SLCO3A1: variants seen among roughly 807,000 people sequenced by gnomAD.
SLCO3A1 encodes the protein PGE1 transporter.
In SLCO3A1, 27 loss-of-function variants were observed where a neutral mutation model predicts 63.1. The observed-to-expected ratio is 0.43, with a 90% CI of 0.32 to 0.59. The LOEUF is 0.59. Ranked by LOEUF, SLCO3A1 falls within the 20% of genes least tolerant of loss-of-function variation. The pLI is 0.09. For synonymous variants in SLCO3A1, 473 were observed against 409.9 expected (o/e 1.15, Z -1.86); for missense variants, 773 against 945.8 (o/e 0.82, Z 2.40).
chr15:91,985,677 G>T (rs1294875683), intron 2 of SLCO3A1, among the ~76,000 whole-genome samples: 1 of 152,136 alleles, frequency 6.6e-6, no homozygotes, highest in Non-Finnish European at 1.5e-5. Context: ...AGACAATGGG[G>T]TCCCTCAGGC....
intron 2 of SLCO3A1, among the ~76,000 whole-genome samples, chr15:91,985,891 C>A (rs2046045741): frequency 6.6e-6 from 1 of 152,086 alleles, no homozygotes; most frequent in African/African-American, 2.4e-5. Flanking sequence ...TGTGGGCTTC[C>A]TAGTCTACGT....
intron 2 of SLCO3A1, among the ~76,000 whole-genome samples, chr15:91,943,028 G>A (rs1265802331): frequency 6.6e-6 from 1 of 152,120 alleles, no homozygotes; most frequent in Non-Finnish European, 1.5e-5. Flanking sequence ...AATTAATTCA[G>A]GTCTCCACAG....
At chr15:91,867,642 T>C (rs1039052175) in intron 1 of SLCO3A1, among the ~76,000 whole-genome samples, 4 of 152,082 alleles carry the variant, frequency 2.6e-5, no homozygotes, top group African/African-American at 9.7e-5. Context: ...GGGTGTGCAG[T>C]TTACAGTTTA....
At chr15:92,031,916 C>T (rs1442030743) in intron 2 of SLCO3A1, among the ~76,000 whole-genome samples, 4 of 152,100 alleles carry the variant, frequency 2.6e-5, no homozygotes, top group East Asian at 3.9e-4. Flanking sequence ...CATCGTGGAC[C>T]GTGCCACTCA....
At chr15:91,864,464 C>T (rs529406106) in intron 1 of SLCO3A1, among the ~76,000 whole-genome samples, 2 of 147,280 alleles carry the variant, frequency 1.4e-5, no homozygotes, top group African/African-American at 5.0e-5. Context: ...AAAATCACTT[C>T]TCTTATTCTC....
intron 4 of SLCO3A1, among the ~76,000 whole-genome samples, chr15:92,114,504 C>G (rs1260533707): frequency 6.6e-6 from 1 of 152,176 alleles, no homozygotes; most frequent in Non-Finnish European, 1.5e-5. Context: ...ACATTAGCAA[C>G]CAACTCGGTG....
chr15:92,150,845 AAAG>A, intron 8 of SLCO3A1, 102 bp from the exon 9 acceptor site: 2 of 703,906 alleles, frequency 2.8e-6, no homozygotes, highest in Non-Finnish European at 4.7e-6. Context: ...GTAATTTTCT[AAAG>A]AAGAGCTCTG....
intron 1 of SLCO3A1, among the ~76,000 whole-genome samples, chr15:91,873,555 CACACACACACATACAT>C (rs1231441155): frequency 5.5e-4 from 84 of 151,986 alleles, no homozygotes; most frequent in African/African-American, 2.0e-3. Flanking sequence ...CACACACACA[CACACACACACATACAT>C]ACATACATAC....
At chr15:91,871,343 C>G (rs893354751) in intron 1 of SLCO3A1, among the ~76,000 whole-genome samples, 6 of 152,090 alleles carry the variant, frequency 3.9e-5, no homozygotes, top group Non-Finnish European at 1.5e-5. Flanking sequence ...TTTGAAGGCC[C>G]TTTTAAGTGG....
chr15:92,028,485 T>C (rs1396145376), intron 2 of SLCO3A1, among the ~76,000 whole-genome samples: 2 of 152,144 alleles, frequency 1.3e-5, no homozygotes, highest in Admixed American at 6.5e-5. Flanking sequence ...ACAGCCAGTG[T>C]TCTAGGCCCT....
chr15:92,143,539 G>C (rs1483086916), intron 7 of SLCO3A1, among the ~76,000 whole-genome samples: 2 of 115,284 alleles, frequency 1.7e-5, no homozygotes, highest in Non-Finnish European at 3.4e-5. Context: ...TGGATGGCTG[G>C]GTAAATTAGG....
At chr15:92,120,338 C>A in intron 4 of SLCO3A1, 127 bp from the exon 5 acceptor site, 2 of 870,564 alleles carry the variant, frequency 2.3e-6, no homozygotes, top group Non-Finnish European at 3.4e-6. Context: ...CAACTGGGTA[C>A]CTCTGGATGC....
At chr15:92,082,879 T>TC (rs2047363505) in intron 2 of SLCO3A1, among the ~76,000 whole-genome samples, 1 of 152,162 alleles carries the variant, frequency 6.6e-6, no homozygotes, top group African/African-American at 2.4e-5. Flanking sequence ...AAAATCCACT[T>TC]CCACCATGTA....
At chr15:92,158,831 C>T (rs1291790436) in intron 9 of SLCO3A1, among the ~76,000 whole-genome samples, 1 of 152,136 alleles carries the variant, frequency 6.6e-6, no homozygotes, top group East Asian at 1.9e-4. Flanking sequence ...CTAGACCTCC[C>T]CTTTGGGAAA....
chr15:92,076,211 C>G (rs889230621), intron 2 of SLCO3A1, among the ~76,000 whole-genome samples: 6 of 152,188 alleles, frequency 3.9e-5, no homozygotes, highest in Non-Finnish European at 7.3e-5. Flanking sequence ...CAAACAAAAC[C>G]CATGGTGTAG....
chr15:92,065,012 G>T (rs2047132359), intron 2 of SLCO3A1, among the ~76,000 whole-genome samples: 1 of 152,182 alleles, frequency 6.6e-6, no homozygotes, highest in African/African-American at 2.4e-5. Flanking sequence ...TAGAAGAGAA[G>T]ATTTGAAATG....
intron 2 of SLCO3A1, among the ~76,000 whole-genome samples, chr15:91,963,808 T>C (rs1451760379): frequency 1.3e-5 from 2 of 152,124 alleles, no homozygotes; most frequent in African/African-American, 4.8e-5. Flanking sequence ...AGAACCAGAC[T>C]GAGCAGCAGC....
chr15:91,854,989 C>T lies in SLCO3A1; in HGVS notation c.180+901C>T, dbSNP rs1368901488. On this transcript the variant is annotated intron_variant, in intron 1 of 9. Coordinates refer to ENST00000318445, the MANE Select transcript of SLCO3A1 (RefSeq NM_013272.4). The surrounding 1 kb of genome is among the most constrained non-coding windows in gnomAD (Gnocchi z 6.4). ...TGGTCGCAACTTGAGTTCCAGAGAG[C>T]GTGCTTCCACACCTAAGTACAGTCC... is the stretch of plus-strand genomic sequence containing the variant. Among the ~76,000 whole-genome samples the T allele has an allele frequency of 6.6e-6, 1 of 152,094 alleles. No homozygotes were observed. Among genetic ancestry groups the T allele is most frequent in the East Asian group, 1.9e-4 (1 of 5,180 alleles).
chr15:91,947,507 G>C (rs930866108), intron 2 of SLCO3A1, among the ~76,000 whole-genome samples: 2 of 152,174 alleles, frequency 1.3e-5, no homozygotes, highest in African/African-American at 4.8e-5. Flanking sequence ...TTTGTGGGGT[G>C]AGGAGAGCTC....
Sources: allele counts gnomAD v4.1 joint callset (sites outside exome capture counted in the v4.1 genomes callset), GRCh38; gene constraint gnomAD v4.1.1; non-coding constraint Gnocchi (gnomAD v3.1); transcripts MANE v1.5; gene names NCBI Gene and HGNC (gene_info 2026-07-23, HGNC 2026-07-21).